PCGF6: variants seen among roughly 807,000 people sequenced by gnomAD.
PCGF6 encodes polycomb group ring finger 6.
PCGF6 carries 24 observed loss-of-function variants against 45.5 expected under a neutral mutation model. The observed-to-expected ratio is 0.53, with a 90% CI of 0.38 to 0.74. The LOEUF is 0.74. Ranked by LOEUF, PCGF6 falls within the 30% of genes least tolerant of loss-of-function variation. PCGF6 has a pLI of 0.00. For missense variants in PCGF6, 356 were observed against 443.2 expected, an observed-to-expected ratio of 0.80 and a Z score of 1.77; for synonymous variants, 152 against 162.1, an observed-to-expected ratio of 0.94 and a Z score of 0.47.
At chr10:103,326,927 C>A (rs969686820) in intron 7 of PCGF6, among the ~76,000 whole-genome samples, 3 of 152,058 alleles carry the variant, frequency 2.0e-5, no homozygotes, top group South Asian at 2.1e-4. Context: ...AAAATTTATT[C>A]ATTCATTTCA....
At chr10:103,325,253 GT>G (rs1554863320) in intron 8 of PCGF6, among the ~76,000 whole-genome samples, 2 of 151,774 alleles carry the variant, frequency 1.3e-5, no homozygotes, top group African/African-American at 4.8e-5. Context: ...TTGTTTTTTT[GT>G]TTGTTTTGTT....
At chr10:103,328,132 AACGATGCT>A (rs1342898561) in intron 7 of PCGF6, among the ~76,000 whole-genome samples, 2 of 152,210 alleles carry the variant, frequency 1.3e-5, no homozygotes, top group African/African-American at 4.8e-5. Flanking sequence ...TGAGACAACT[AACGATGCT>A]ACGACCTCAT....
intron 3 of PCGF6, chr10:103,348,437 A>G (rs551010622): frequency 2.7e-4 from 58 of 212,484 alleles, no homozygotes; most frequent in Non-Finnish European, 4.6e-4. Context: ...CCCAGGTTCA[A>G]GCGATTCTCC....
chr10:103,311,325 A>G lies in PCGF6; in HGVS notation c.996+2861T>C, dbSNP rs369513496. Among the ~76,000 whole-genome samples, 137 of 152,018 alleles carry G rather than the reference A, an allele frequency of 9.0e-4. 4 individuals are homozygous for G. In the East Asian group the frequency reaches 0.019, roughly 21 times the overall value. Reference sequence around the variant, plus strand: ...CCCAGCTAATTTTTGTATTTTTAGTAGAGATGGGGTTTCAGGATGTTGGCC... The same window carrying G: ...CCCAGCTAATTTTTGTATTTTTAGTGGAGATGGGGTTTCAGGATGTTGGCC... On this transcript the variant is annotated intron_variant, in intron 9 of 9. Coordinates refer to ENST00000369847, the MANE Select transcript of PCGF6 (RefSeq NM_001011663.2).
At chr10:103,339,772 G>A (rs574843652) in intron 6 of PCGF6, among the ~76,000 whole-genome samples, 50 of 145,510 alleles carry the variant, frequency 3.4e-4, no homozygotes, top group Non-Finnish European at 6.0e-4. Flanking sequence ...CCTCCAGCCT[G>A]GGGAACAAAA....
intron 8 of PCGF6, among the ~76,000 whole-genome samples, chr10:103,316,126 T>C (rs1456051916): frequency 6.6e-6 from 1 of 152,124 alleles, no homozygotes; most frequent in Non-Finnish European, 1.5e-5. Context: ...CATACCAGAA[T>C]GTCACCTCTG....
chr10:103,314,350 A>G, intron 8 of PCGF6, 78 bp from the exon 9 acceptor site: 1 of 885,890 alleles, frequency 1.1e-6, no homozygotes, highest in South Asian at 1.6e-5. Flanking sequence ...ACAAATCAAC[A>G]TAAATTGTTT....
intron 6 of PCGF6, among the ~76,000 whole-genome samples, chr10:103,335,328 AC>A (rs1382524457): frequency 6.6e-6 from 1 of 151,246 alleles, no homozygotes; most frequent in Non-Finnish European, 1.5e-5. Flanking sequence ...TGCTGGAATT[AC>A]AGGTGTGAGC....
At chr10:103,326,419 C>T (rs2093218870) in intron 8 of PCGF6, 115 bp downstream of exon 8, 1 of 487,676 alleles carries the variant, frequency 2.1e-6, no homozygotes, top group Non-Finnish European at 3.4e-6. Context: ...ATGTCTACAA[C>T]ATCATAAAAC....
At chr10:103,305,144 T>C (rs886789645) in intron 9 of PCGF6, among the ~76,000 whole-genome samples, 8 of 152,084 alleles carry the variant, frequency 5.3e-5, no homozygotes, top group Non-Finnish European at 1.2e-4. Flanking sequence ...TTCAAAATTT[T>C]TTTTTTCCCA....
chr10:103,349,829 T>A (rs112896267), intron 1 of PCGF6, among the ~76,000 whole-genome samples: 205 of 149,706 alleles, frequency 1.4e-3, no homozygotes, highest in African/African-American at 3.8e-3. Context: ...ACGCCTGTAA[T>A]CCCAGCACTT....
At chr10:103,315,992 G>GTATA (rs1343847667) in intron 8 of PCGF6, among the ~76,000 whole-genome samples, 34 of 112,438 alleles carry the variant, frequency 3.0e-4, no homozygotes, top group African/African-American at 8.3e-4. Context: ...GTGTGTGTGT[G>GTATA]TGTATATATA....
chr10:103,312,820 G>A (rs2093162062), intron 9 of PCGF6, among the ~76,000 whole-genome samples: 1 of 152,120 alleles, frequency 6.6e-6, no homozygotes, highest in African/African-American at 2.4e-5. Flanking sequence ...AATTAGTTGG[G>A]CGTGGTGGCG....
chr10:103,347,559 G>T, intron 3 of PCGF6, 109 bp from the exon 4 acceptor site: 1 of 837,312 alleles, frequency 1.2e-6, no homozygotes, highest in Non-Finnish European at 1.9e-6. Context: ...TTTTCTCAGA[G>T]GTGAGTTACT....
At chr10:103,345,954 A>T (rs2093297361) in intron 5 of PCGF6, among the ~76,000 whole-genome samples, 1 of 152,030 alleles carries the variant, frequency 6.6e-6, no homozygotes, top group African/African-American at 2.4e-5. Context: ...GCACTTTGGG[A>T]GGCCGAGGTG....
At chr10:103,327,871 G>A (rs1178633553) in intron 7 of PCGF6, among the ~76,000 whole-genome samples, 2 of 150,532 alleles carry the variant, frequency 1.3e-5, no homozygotes, top group African/African-American at 4.9e-5. Flanking sequence ...TAGAGATAGG[G>A]TTTCACTGTT....
intron 9 of PCGF6, among the ~76,000 whole-genome samples, chr10:103,305,115 T>G (rs995257900): frequency 6.6e-6 from 1 of 151,874 alleles, no homozygotes; most frequent in Non-Finnish European, 1.5e-5. Context: ...CACACGCATG[T>G]GCCACCATGC....
chr10:103,319,778 C>A (rs1438958079), intron 8 of PCGF6, among the ~76,000 whole-genome samples: 1 of 152,060 alleles, frequency 6.6e-6, no homozygotes, highest in Admixed American at 6.6e-5. Context: ...TAATAGAAGG[C>A]TTAATATCAT....
At chr10:103,350,366 G>A (rs934910558) in intron 1 of PCGF6, among the ~76,000 whole-genome samples, 1 of 151,828 alleles carries the variant, frequency 6.6e-6, no homozygotes, top group African/African-American at 2.4e-5. Flanking sequence ...CTGAGGCCAG[G>A]AGTTGGAGGC....
Sources: allele counts gnomAD v4.1 joint callset (sites outside exome capture counted in the v4.1 genomes callset), GRCh38; gene constraint gnomAD v4.1.1; transcripts MANE v1.5; gene names NCBI Gene and HGNC (gene_info 2026-07-23, HGNC 2026-07-21).